Variants in CACNA1G observed in about 807,000 individuals in gnomAD.
The protein encoded by CACNA1G is calcium voltage-gated channel subunit alpha1 G.
CACNA1G carries 67 observed loss-of-function variants against 219.4 expected under a neutral mutation model. The observed-to-expected ratio is 0.31, with a 90% confidence interval of 0.25 to 0.37. CACNA1G has a LOEUF of 0.37. Among genes scored for constraint, CACNA1G ranks in the 10% least tolerant of loss-of-function variants. CACNA1G has a pLI of 1.00. For synonymous variants in CACNA1G, 1,296 were observed against 1,345.3 expected (o/e 0.96, Z 0.80); for missense variants, 2,380 against 3,231.4 (o/e 0.74, Z 6.39).
chr17:50,580,894 G>A (rs1293490347), intron 9 of CACNA1G, among the ~76,000 whole-genome samples: 3 of 152,154 alleles, frequency 2.0e-5, no homozygotes, highest in East Asian at 3.9e-4. Context: ...CGGCGTGAAC[G>A]TCCCGCCATC....
At position 50,599,664 on chromosome 17, in the gene CACNA1G, G is replaced by A; in HGVS notation, c.3495G>A (p.Glu1165=). ...ACCATCGCCACAGGGGGTCCCTGGA[G>A]CGGGAGGCCAAGAGTTCCTTTGACC... is the stretch of plus-strand genomic sequence containing the variant. ...GSDHRHRGSL[E]REAKSSFDLP... Residue 1165 remains glutamate, a synonymous_variant, in exon 17 of 38, where the codon GAG becomes GAA. Transcript: ENST00000359106. 2 of 1,613,162 alleles carry A rather than the reference G, an allele frequency of 1.2e-6. No individual in the cohort carries two copies. Among genetic ancestry groups the A allele is most frequent in the East Asian group, 2.2e-5 (1 of 44,858 alleles).
Position 50,575,988 on chromosome 17 carries a change from C to G in CACNA1G, c.1586C>G (p.Ser529Cys), listed in dbSNP as rs1046584188. Residue 529 changes from serine to cysteine, a missense_variant, in exon 8 of 38, where the codon TCC becomes TGC. Ser to Cys is a moderately radical substitution (Grantham distance 112). Coordinates refer to ENST00000359106, the MANE Select transcript of CACNA1G (RefSeq NM_018896.5). ...PEIQDRDANG[S>C]RRLMLPPPST... ...ATCCAGGACAGGGATGCCAATGGGT[C>G]CCGCCGGCTCATGCTGCCACCACCC... is the stretch of plus-strand genomic sequence containing the variant. 5 of 1,553,580 alleles carry G rather than the reference C, an allele frequency of 3.2e-6. No homozygotes were observed. Among genetic ancestry groups the G allele is most frequent in the Admixed American group, 1.9e-5 (1 of 51,460 alleles).
intron 9 of CACNA1G, among the ~76,000 whole-genome samples, chr17:50,589,773 C>T (rs1052193083): frequency 1.3e-5 from 2 of 152,156 alleles, no homozygotes; most frequent in African/African-American, 2.4e-5. Flanking sequence ...AGGATTAACC[C>T]GGGTGTCCCG....
chr17:50,606,503 T>C, intron 23 of CACNA1G: 1 of 569,708 alleles, frequency 1.8e-6, no homozygotes, highest in South Asian at 2.3e-5. Context: ...TGTATATTTC[T>C]TTAACATGGT....
chr17:50,626,094 C>G lies in CACNA1G; in HGVS notation c.6477C>G (p.Pro2159=). 6.2e-7 allele frequency: 1 copy of G among 1,613,632 alleles called. No individual in the cohort carries two copies. The highest frequency in any genetic ancestry group is 1.1e-5 in the South Asian group (1 of 91,086). ...ACCTGCTGGCAGAGGTGAGTGGGCC[C>G]TCCCCGCCCCTGGCCCGGGCCTACT... ...REDLLAEVSG[P]SPPLARAYSF... The change falls in exon 38 of 38, where the codon CCC becomes CCG. Residue 2159 remains proline (P), a synonymous_variant. Coordinates refer to ENST00000359106, the MANE Select transcript of CACNA1G (RefSeq NM_018896.5). This position sits in a 1 kb window ranked among gnomAD's most constrained non-coding sequence, Gnocchi z 4.3.
In CACNA1G at chr17:50,618,048, G is replaced by A; in HGVS notation, c.5227G>A (p.Val1743Met). The change falls in exon 31 of 38, where the codon GTG (valine) becomes ATG (methionine). Residue 1743 changes from valine (V) to methionine (M), a missense_variant and splice_region_variant. This residue lies in a region of CACNA1G where 123 missense variants were observed against 258.4 expected (regional missense o/e 0.48). Transcript: ENST00000359106. This position sits in a 1 kb window ranked among gnomAD's most constrained non-coding sequence, Gnocchi z 5.3. ...TTCTATTTCTTCTCCTTTTTTCCAG[G>A]TGGGGAACCTGGGACTTCTCTTCAT... ...LDTVMQALPQVGNLGLLFMLL... is the reference protein window; with the variant it reads ...LDTVMQALPQMGNLGLLFMLL... 1 of 1,613,878 alleles carries A rather than the reference G, an allele frequency of 6.2e-7. No individual in the cohort carries two copies. The highest frequency in any genetic ancestry group is 1.1e-5 in the South Asian group (1 of 91,084).
In CACNA1G at chr17:50,561,106, CG is replaced by C; in HGVS notation, c.-350del. On this transcript the variant is annotated 5_prime_UTR_variant, in exon 1 of 38. Transcript: ENST00000359106. The stretch of plus-strand genomic sequence containing the variant: ...CTGCCCCCCTTTTCGTTCGCCCTCT[CG>C]GGGCGGCTTCGCCGAAGGTAGCGCC... The C allele has an allele frequency of 2.2e-6, 1 of 448,580 alleles. No individual in the cohort carries two copies. The highest frequency in any genetic ancestry group is 1.7e-5 in the South Asian group (1 of 59,736). The allele number at this position is 448,580 out of a possible 1,614,324, so 27.8% of individuals were successfully genotyped here.
At position 50,578,784 on chromosome 17, in the gene CACNA1G, C is replaced by CA. The variant is rs1263104071; in HGVS notation, c.2301+221dup. Among the ~76,000 whole-genome samples the CA allele has an allele frequency of 1.3e-5, 2 of 152,134 alleles. No homozygotes were observed. Among genetic ancestry groups the CA allele is most frequent in the Non-Finnish European group, 2.9e-5 (2 of 68,040 alleles). On this transcript the variant is annotated intron_variant, in intron 9 of 37. Coordinates refer to ENST00000359106, the MANE Select transcript of CACNA1G (RefSeq NM_018896.5). This position sits in a 1 kb window ranked among gnomAD's most constrained non-coding sequence, Gnocchi z 4.5. Reference sequence around the variant, plus strand: ...AGTATGGAGGTCGCCTCAGGTAGGCCACAGGGTATGTTCTACCCAGGAAGG... The same window carrying CA: ...AGTATGGAGGTCGCCTCAGGTAGGCCAACAGGGTATGTTCTACCCAGGAAGG...
chr17:50,569,878 A>G (rs905404925), intron 4 of CACNA1G, 75 bp downstream of exon 4: 35 of 1,139,504 alleles, frequency 3.1e-5, no homozygotes, highest in Non-Finnish European at 4.1e-5. Context: ...CCCCACCTCT[A>G]CTACTGTGTC....
Position 50,576,100 on chromosome 17 carries a change from C to G in CACNA1G, c.1698C>G (p.Val566=), listed in dbSNP as rs774786354. The change falls in exon 8 of 38, where the codon GTC becomes GTG. Residue 566 remains valine (V), a synonymous_variant. Transcript: ENST00000359106. ...ATGCCGACTGCCACTTAGAGCCAGTCCGCTGCCAGGCGCCCCCTCCCAGGT... is the reference window on the plus strand; with the variant it reads ...ATGCCGACTGCCACTTAGAGCCAGTGCGCTGCCAGGCGCCCCCTCCCAGGT... The part of the protein sequence containing the change: ...FYHADCHLEP[V]RCQAPPPRSP... 6.3e-7 allele frequency: 1 copy of G among 1,593,420 alleles called. No homozygotes were observed. Among genetic ancestry groups the G allele is most frequent in the East Asian group, 2.3e-5 (1 of 43,624 alleles).
chr17:50,571,939 G>C lies in CACNA1G; in HGVS notation c.648G>C (p.Leu216=). 6.2e-7 allele frequency: 1 copy of C among 1,614,014 alleles called. No homozygotes were observed. The highest frequency in any genetic ancestry group is 8.5e-7 in the Non-Finnish European group (1 of 1,179,874). The change falls in exon 5 of 38, where the codon CTG becomes CTC. Residue 216 remains leucine, a synonymous_variant. Coordinates refer to ENST00000359106, the MANE Select transcript of CACNA1G (RefSeq NM_018896.5). This position sits in a 1 kb window ranked among gnomAD's most constrained non-coding sequence, Gnocchi z 4.3. ...DTLPMLGNVL[L]LCFFVFFIFG... is the part of the protein sequence containing the mutation. ...TGCCCATGCTGGGCAACGTCCTGCT[G>C]CTCTGCTTCTTCGTCTTCTTCATCT...
At chr17:50,590,091 C>G (rs1047282184) in intron 9 of CACNA1G, among the ~76,000 whole-genome samples, 1 of 152,160 alleles carries the variant, frequency 6.6e-6, no homozygotes, top group Admixed American at 6.5e-5. Flanking sequence ...CTCTGACATC[C>G]GCCAGCATTG....
intron 9 of CACNA1G, among the ~76,000 whole-genome samples, chr17:50,587,746 CAG>C (rs1382218204): frequency 6.6e-6 from 1 of 152,202 alleles, no homozygotes; most frequent in Non-Finnish European, 1.5e-5. Context: ...CTGGGCAAAA[CAG>C]GGGTTCCAGC....
intron 9 of CACNA1G, among the ~76,000 whole-genome samples, chr17:50,580,597 C>T (rs2041737477): frequency 6.6e-6 from 1 of 152,182 alleles, no homozygotes. Flanking sequence ...AAGGCAGCAG[C>T]CGTCAGTCAG....
At position 50,626,107 on chromosome 17, in the gene CACNA1G, G is replaced by A. The variant is rs1258582322; in HGVS notation, c.6490G>A (p.Ala2164Thr). Reference sequence around the variant, plus strand: ...GGTGAGTGGGCCCTCCCCGCCCCTGGCCCGGGCCTACTCTTTCTGGGGCCA... The same window carrying A: ...GGTGAGTGGGCCCTCCCCGCCCCTGACCCGGGCCTACTCTTTCTGGGGCCA... ...AEVSGPSPPL[A>T]RAYSFWGQSS... Residue 2164 changes from alanine (A) to threonine (T), a missense_variant, in exon 38 of 38, where the codon GCC becomes ACC. Coordinates refer to ENST00000359106, the MANE Select transcript of CACNA1G (RefSeq NM_018896.5). This position sits in a 1 kb window ranked among gnomAD's most constrained non-coding sequence, Gnocchi z 4.3. 1 of 1,613,632 alleles carries A rather than the reference G, an allele frequency of 6.2e-7. No homozygotes were observed. Among genetic ancestry groups the A allele is most frequent in the East Asian group, 2.2e-5 (1 of 44,872 alleles).
chr17:50,626,541 G>T lies in CACNA1G; in HGVS notation c.6924G>T (p.Pro2308=), dbSNP rs60406372. Residue 2308 remains proline, a synonymous_variant, in exon 38 of 38, where the codon CCG becomes CCT. Transcript: ENST00000359106. The surrounding 1 kb of genome is among the most constrained non-coding windows in gnomAD (Gnocchi z 4.3). ...PGSRPKKKLS[P]PSITIDPPES... Reference sequence around the variant, plus strand: ...GCCGGCCCAAGAAAAAACTCAGCCCGCCTAGTATCACCATAGACCCCCCCG... The same window carrying T: ...GCCGGCCCAAGAAAAAACTCAGCCCTCCTAGTATCACCATAGACCCCCCCG... 6 of 1,577,190 alleles carry T rather than the reference G, an allele frequency of 3.8e-6. No homozygotes were observed. The highest frequency in any genetic ancestry group is 3.7e-5 in the Admixed American group (2 of 53,764).
intron 5 of CACNA1G, 113 bp downstream of exon 5, chr17:50,572,150 A>G (rs1221566391): frequency 1.6e-6 from 2 of 1,222,204 alleles, no homozygotes; most frequent in African/African-American, 1.5e-5. Flanking sequence ...CATCTGAGAC[A>G]TATCTGGTTC....
At chr17:50,565,252 C>A (rs2037393995) in intron 1 of CACNA1G, among the ~76,000 whole-genome samples, 1 of 152,236 alleles carries the variant, frequency 6.6e-6, no homozygotes, top group African/African-American at 2.4e-5. Flanking sequence ...TCTCATGTCT[C>A]TGTCTCTGGG....
chr17:50,601,265 T>C, intron 19 of CACNA1G, 91 bp downstream of exon 19: 1 of 1,495,516 alleles, frequency 6.7e-7, no homozygotes, highest in Non-Finnish European at 9.1e-7. Context: ...GTTGCTGACC[T>C]GCAAGTCACA....
Sources: allele counts gnomAD v4.1 joint callset (sites outside exome capture counted in the v4.1 genomes callset), GRCh38; gene constraint gnomAD v4.1.1; regional missense constraint gnomAD v4.1.1; non-coding constraint Gnocchi (gnomAD v3.1); transcripts MANE v1.5; gene names NCBI Gene and HGNC (gene_info 2026-07-23, HGNC 2026-07-21).